Variants in AUTS2 observed in about 807,000 individuals in gnomAD.
The protein encoded by AUTS2 is autism susceptibility gene 2 protein.
AUTS2 carries 17 observed loss-of-function variants against 112.4 expected under a neutral mutation model. The ratio of observed to expected loss-of-function variants is 0.15; its 90% CI spans 0.10 to 0.23. The LOEUF is 0.23. Ranked by LOEUF, AUTS2 falls within the 10% of genes least tolerant of loss-of-function variation. AUTS2 has a pLI of 1.00. For synonymous variants in AUTS2, 751 were observed against 702.7 expected (o/e 1.07, Z -1.09); for missense variants, 1,510 against 1,701.6 (o/e 0.89, Z 1.98).
intron 1 of AUTS2, among the ~76,000 whole-genome samples, chr7:69,741,444 C>G (rs1787259869): frequency 6.6e-6 from 1 of 152,198 alleles, no homozygotes; most frequent in African/African-American, 2.4e-5. Flanking sequence ...GTGGCTCACA[C>G]CCATAATCCC....
chr7:69,650,690 G>T (rs1159292883), intron 1 of AUTS2, among the ~76,000 whole-genome samples: 1 of 152,206 alleles, frequency 6.6e-6, no homozygotes, highest in Admixed American at 6.5e-5. Flanking sequence ...GTCCCTCTGG[G>T]ATTGCACGGG....
chr7:70,636,054 C>A (rs538942727), intron 5 of AUTS2, among the ~76,000 whole-genome samples: 1 of 152,314 alleles, frequency 6.6e-6, no homozygotes, highest in Non-Finnish European at 1.5e-5. Context: ...AGTGATTTGG[C>A]CAAGTAGATG....
At chr7:69,995,093 G>A (rs1309414878) in intron 2 of AUTS2, among the ~76,000 whole-genome samples, 2 of 152,110 alleles carry the variant, frequency 1.3e-5, no homozygotes, top group Non-Finnish European at 1.5e-5. Flanking sequence ...GAGTCTGGCC[G>A]TGTGTCAGGA....
intron 4 of AUTS2, among the ~76,000 whole-genome samples, chr7:70,283,858 G>A (rs1397292107): frequency 6.6e-6 from 1 of 152,092 alleles, no homozygotes; most frequent in African/African-American, 2.4e-5. Context: ...AAAGGAGGGA[G>A]GGAGGAAGGA....
At chr7:70,378,959 T>G (rs1188956353) in intron 4 of AUTS2, among the ~76,000 whole-genome samples, 2 of 152,236 alleles carry the variant, frequency 1.3e-5, no homozygotes, top group African/African-American at 4.8e-5. Context: ...TCCTTGTGAT[T>G]TGTTAGAACA....
chr7:70,461,309 G>C (rs562569717), intron 5 of AUTS2, among the ~76,000 whole-genome samples: 5 of 152,296 alleles, frequency 3.3e-5, no homozygotes, highest in Non-Finnish European at 5.9e-5. Context: ...AACTGCTGCA[G>C]AAATTCTGCT....
At chr7:70,455,441 A>C (rs944697208) in intron 5 of AUTS2, among the ~76,000 whole-genome samples, 3 of 152,094 alleles carry the variant, frequency 2.0e-5, no homozygotes, top group Non-Finnish European at 4.4e-5. Flanking sequence ...ATTGTTAGCA[A>C]GCCAAATATG....
intron 6 of AUTS2, among the ~76,000 whole-genome samples, chr7:70,738,507 T>C (rs572245086): frequency 4.4e-4 from 67 of 152,138 alleles, no homozygotes; most frequent in African/African-American, 1.6e-3. Context: ...AGTTGCTCTT[T>C]TGAGAGTTGC....
At chr7:69,685,174 C>T (rs1278311656) in intron 1 of AUTS2, among the ~76,000 whole-genome samples, 1 of 152,200 alleles carries the variant, frequency 6.6e-6, no homozygotes, top group African/African-American at 2.4e-5. Flanking sequence ...CTACATTGCT[C>T]AAGCCACAGT....
At chr7:69,747,178 A>G (rs1364196003) in intron 1 of AUTS2, among the ~76,000 whole-genome samples, 1 of 152,222 alleles carries the variant, frequency 6.6e-6, no homozygotes, top group Non-Finnish European at 1.5e-5. Flanking sequence ...TGCATTATTT[A>G]CAAATGTCAA....
intron 4 of AUTS2, among the ~76,000 whole-genome samples, chr7:70,211,866 G>A (rs1810921472): frequency 6.6e-6 from 1 of 151,576 alleles, no homozygotes; most frequent in Non-Finnish European, 1.5e-5. Flanking sequence ...GGCGTCTGTA[G>A]TCCCAGCTAC....
At chr7:70,101,157 C>T (rs542807460) in intron 2 of AUTS2, among the ~76,000 whole-genome samples, 2 of 152,198 alleles carry the variant, frequency 1.3e-5, no homozygotes, top group African/African-American at 2.4e-5. Context: ...GGATTACAGG[C>T]GTGAGCCACT....
intron 5 of AUTS2, among the ~76,000 whole-genome samples, chr7:70,663,833 A>T (rs2129543149): frequency 6.6e-6 from 1 of 152,246 alleles, no homozygotes; most frequent in Admixed American, 6.5e-5. Context: ...AATAATCACT[A>T]CCACGTCTCA....
intron 17 of AUTS2, 58 bp downstream of exon 17, chr7:70,786,096 A>G (rs1791453409): frequency 6.9e-7 from 1 of 1,449,444 alleles, no homozygotes; most frequent in African/African-American, 1.4e-5. Flanking sequence ...TGTGATCCGC[A>G]TATGGCTCAA....
At chr7:69,946,857 C>CA (rs1295931462) in intron 2 of AUTS2, among the ~76,000 whole-genome samples, 10 of 152,038 alleles carry the variant, frequency 6.6e-5, no homozygotes, top group Non-Finnish European at 1.0e-4. Flanking sequence ...TGTTTCTTTT[C>CA]GTCTGGTTGG....
intron 1 of AUTS2, among the ~76,000 whole-genome samples, chr7:69,747,784 G>GGT (rs10695531): frequency 0.024 from 3,478 of 144,506 alleles, 65 homozygotes; most frequent in African/African-American, 0.048. Context: ...GAAGGAGAGG[G>GGT]GTGTGTGTGT....
At position 69,914,468 on chromosome 7, in the gene AUTS2, T is replaced by G. The variant is rs143014371; in HGVS notation, c.522+14970T>G. On this transcript the variant is annotated intron_variant, in intron 2 of 18. Transcript: ENST00000342771. Reference sequence around the variant, plus strand: ...GGATATGCAATGTAAAATAAGATACTGATGAGCGCATGCTGCACACCAAGC... The same window carrying G: ...GGATATGCAATGTAAAATAAGATACGGATGAGCGCATGCTGCACACCAAGC... Among the ~76,000 whole-genome samples the G allele has an allele frequency of 1.5e-3, 230 of 151,028 alleles. 1 individual carries two copies. Among genetic ancestry groups the G allele is most frequent in the African/African-American group, 4.7e-3 (193 of 41,074 alleles).
chr7:69,900,301 C>A (rs999278120), intron 2 of AUTS2, among the ~76,000 whole-genome samples: 2 of 152,120 alleles, frequency 1.3e-5, no homozygotes, highest in African/African-American at 2.4e-5. Flanking sequence ...TTTGGCAGGA[C>A]CATTGGGTAG....
intron 4 of AUTS2, among the ~76,000 whole-genome samples, chr7:70,433,905 T>C (rs752856584): frequency 4.6e-5 from 7 of 152,242 alleles, no homozygotes; most frequent in Non-Finnish European, 8.8e-5. Context: ...AGCTCTCTAA[T>C]AGGAGCTTAA....
Sources: gnomAD v4.1 joint callset for allele counts (sites outside exome capture counted in the v4.1 genomes callset) on GRCh38, gnomAD v4.1.1 for gene constraint, MANE v1.5 for transcripts, NCBI Gene and HGNC (gene_info 2026-07-23, HGNC 2026-07-21) for gene names.